The following PLPPR1 variants were observed in gnomAD, a reference collection of about 807,000 sequenced individuals.
PLPPR1 encodes the protein phospholipid phosphatase-related protein type 1.
In PLPPR1, 10 loss-of-function variants were observed where a neutral mutation model predicts 33.1. The observed-to-expected ratio is 0.30, with a 90% CI of 0.19 to 0.51. PLPPR1 has a LOEUF of 0.51. Ranked by LOEUF, PLPPR1 falls within the 20% of genes least tolerant of loss-of-function variation. PLPPR1 has a pLI of 0.97. For synonymous variants in PLPPR1, 151 were observed against 151.0 expected (o/e 1.00, Z 0.00); for missense variants, 304 against 408.1 (o/e 0.74, Z 2.20).
chr9:101,182,454 T>C (rs1826131577), intron 1 of PLPPR1, among the ~76,000 whole-genome samples: 1 of 151,828 alleles, frequency 6.6e-6, no homozygotes, highest in Non-Finnish European at 1.5e-5. Context: ...AATCATTTCA[T>C]ATTATAAAAA....
At chr9:101,134,823 T>C (rs1368257658) in intron 1 of PLPPR1, among the ~76,000 whole-genome samples, 1 of 152,024 alleles carries the variant, frequency 6.6e-6, no homozygotes, top group Non-Finnish European at 1.5e-5. Flanking sequence ...ACGGTGGAAC[T>C]GGGCCTGGTA....
At chr9:101,089,452 A>G (rs577240306) in intron 1 of PLPPR1, among the ~76,000 whole-genome samples, 2 of 152,286 alleles carry the variant, frequency 1.3e-5, no homozygotes, top group Non-Finnish European at 1.5e-5. Flanking sequence ...GAAAACAAGA[A>G]AAGTGTTAAG....
At chr9:101,072,226 G>A (rs1830489942) in intron 1 of PLPPR1, among the ~76,000 whole-genome samples, 1 of 152,108 alleles carries the variant, frequency 6.6e-6, no homozygotes, top group South Asian at 2.1e-4. Context: ...TGGCTCATTT[G>A]TACAGACAGC....
chr9:101,305,050 G>A (rs1385325912), intron 4 of PLPPR1, among the ~76,000 whole-genome samples: 1 of 152,170 alleles, frequency 6.6e-6, no homozygotes, highest in Non-Finnish European at 1.5e-5. Context: ...CCAGTGGGGA[G>A]ACAGAAGCCT....
chr9:101,157,378 A>G (rs1588051795), intron 1 of PLPPR1, among the ~76,000 whole-genome samples: 3 of 152,296 alleles, frequency 2.0e-5, no homozygotes, highest in Admixed American at 1.3e-4. Context: ...TTAGTCTTGG[A>G]TATATGAACT....
chr9:101,107,931 C>A, intron 1 of PLPPR1, among the ~76,000 whole-genome samples: 1 of 151,052 alleles, frequency 6.6e-6, no homozygotes, highest in Non-Finnish European at 1.5e-5. Flanking sequence ...TTCGTCACCC[C>A]TTTCTTTGAC....
At chr9:101,186,771 A>G (rs1396780040) in intron 2 of PLPPR1, among the ~76,000 whole-genome samples, 1 of 151,904 alleles carries the variant, frequency 6.6e-6, no homozygotes, top group African/African-American at 2.4e-5. Context: ...ATGAACAAAT[A>G]TTTCATAACT....
intron 1 of PLPPR1, among the ~76,000 whole-genome samples, chr9:101,048,850 A>G (rs1433420070): frequency 6.6e-6 from 1 of 152,240 alleles, no homozygotes. Context: ...AGCATGCCAT[A>G]TGGCATAAAA....
chr9:101,194,485 C>G (rs926546402), intron 2 of PLPPR1, among the ~76,000 whole-genome samples: 1 of 152,136 alleles, frequency 6.6e-6, no homozygotes, highest in Non-Finnish European at 1.5e-5. Flanking sequence ...CGTGGTGGCT[C>G]ACACCTGTAA....
intron 3 of PLPPR1, among the ~76,000 whole-genome samples, chr9:101,276,553 T>A (rs1001620928): frequency 1.3e-5 from 2 of 152,224 alleles, no homozygotes; most frequent in Admixed American, 6.5e-5. Flanking sequence ...TAAAAATATG[T>A]GATTTTCAAT....
At chr9:101,257,036 C>A (rs1292171114) in intron 2 of PLPPR1, among the ~76,000 whole-genome samples, 1 of 151,942 alleles carries the variant, frequency 6.6e-6, no homozygotes, top group Non-Finnish European at 1.5e-5. Flanking sequence ...TTTAGTGCGC[C>A]ATGGGTAGAA....
At chr9:101,072,230 A>G (rs890793115) in intron 1 of PLPPR1, among the ~76,000 whole-genome samples, 1 of 152,148 alleles carries the variant, frequency 6.6e-6, no homozygotes. Flanking sequence ...TCATTTGTAC[A>G]GACAGCTCTC....
At chr9:101,120,261 CGTT>C (rs539469857) in intron 1 of PLPPR1, among the ~76,000 whole-genome samples, 56 of 152,130 alleles carry the variant, frequency 3.7e-4, no homozygotes, top group Non-Finnish European at 7.3e-4. Context: ...CAATGGAATC[CGTT>C]GTTGTGAGTT....
At chr9:101,118,427 T>C (rs151217977) in intron 1 of PLPPR1, among the ~76,000 whole-genome samples, 1 of 152,206 alleles carries the variant, frequency 6.6e-6, no homozygotes, top group African/African-American at 2.4e-5. Context: ...GACGAGAAAT[T>C]GAGGAGGAAG....
At chr9:101,045,231 C>T (rs1045657837) in intron 1 of PLPPR1, among the ~76,000 whole-genome samples, 9 of 152,234 alleles carry the variant, frequency 5.9e-5, no homozygotes, top group African/African-American at 1.9e-4. Context: ...CATTTTGACC[C>T]GAATCACTAG....
rs551168241 is a variant in PLPPR1 at position 101,222,409 on chromosome 9, T to C, written c.63+36852T>C. On this transcript the variant is annotated intron_variant, in intron 2 of 7. Coordinates refer to ENST00000374874, the MANE Select transcript of PLPPR1 (RefSeq NM_207299.2). Reference sequence around the variant, plus strand: ...TAGTCTAGAGCAGGAGTCCTCAAATTGGGTTCTGCAGAGGGCTAGCCTTCT... The same window carrying C: ...TAGTCTAGAGCAGGAGTCCTCAAATCGGGTTCTGCAGAGGGCTAGCCTTCT... 6.4e-4 allele frequency among the ~76,000 whole-genome samples: 97 copies of C among 152,248 alleles called. 1 individual carries two copies. The highest frequency in any genetic ancestry group is 2.2e-3 in the African/African-American group (91 of 41,554).
At chr9:101,203,108 C>T (rs758216072) in intron 2 of PLPPR1, among the ~76,000 whole-genome samples, 64 of 152,142 alleles carry the variant, frequency 4.2e-4, no homozygotes, top group Non-Finnish European at 1.0e-4. Flanking sequence ...ACAGTATCAA[C>T]TCTGTCATTA....
intron 2 of PLPPR1, among the ~76,000 whole-genome samples, chr9:101,198,246 G>C (rs1391259014): frequency 6.6e-6 from 1 of 152,036 alleles, no homozygotes; most frequent in Non-Finnish European, 1.5e-5. Flanking sequence ...CCATCCCCAT[G>C]AACCTACCAC....
intron 2 of PLPPR1, among the ~76,000 whole-genome samples, chr9:101,202,288 G>C (rs1826509242): frequency 6.6e-6 from 1 of 152,168 alleles, no homozygotes; most frequent in African/African-American, 2.4e-5. Context: ...TTCATGGTAA[G>C]TTCTTATTGG....
Sources: gnomAD v4.1 joint callset for allele counts (sites outside exome capture counted in the v4.1 genomes callset) on GRCh38, gnomAD v4.1.1 for gene constraint, MANE v1.5 for transcripts, NCBI Gene and HGNC (gene_info 2026-07-23, HGNC 2026-07-21) for gene names.